Variants in FMN1 observed in about 807,000 individuals in gnomAD.
The protein encoded by FMN1 is formin 1.
Under a neutral mutation model 132.4 loss-of-function variants are expected in FMN1, and 110 were observed. The observed-to-expected ratio is 0.83, with a 90% CI of 0.71 to 0.97. FMN1 has a LOEUF of 0.97. Among genes scored for constraint, FMN1 ranks in the 50% least tolerant of loss-of-function variants. The probability of loss-of-function intolerance (pLI) is 0.00; values close to 1 mark genes in which losing one functional copy is unlikely to be tolerated. For missense variants in FMN1, 1,792 were observed against 1,705.3 expected, an observed-to-expected ratio of 1.05 and a Z score of -0.90; for synonymous variants, 722 against 651.7, an observed-to-expected ratio of 1.11 and a Z score of -1.64.
At chr15:32,799,674 T>G (rs1426882741) in intron 18 of FMN1, among the ~76,000 whole-genome samples, 1 of 152,190 alleles carries the variant, frequency 6.6e-6, no homozygotes, top group Non-Finnish European at 1.5e-5. Flanking sequence ...AATCCCAATT[T>G]TCCAGAGTGG....
chr15:33,054,739 G>A (rs555674026), intron 6 of FMN1, among the ~76,000 whole-genome samples: 4 of 152,266 alleles, frequency 2.6e-5, no homozygotes, highest in African/African-American at 9.6e-5. Flanking sequence ...CACAGCTTCC[G>A]GAAAATGCAG....
At chr15:32,980,155 AAAAAT>A (rs533891561) in intron 7 of FMN1, among the ~76,000 whole-genome samples, 35 of 152,238 alleles carry the variant, frequency 2.3e-4, no homozygotes, top group African/African-American at 7.7e-4. Flanking sequence ...TTAAATTTCC[AAAAAT>A]TGCTCACCCT....
chr15:32,950,038 T>TATATATAC (rs2061609648), intron 9 of FMN1, among the ~76,000 whole-genome samples: 2 of 4,376 alleles, frequency 4.6e-4, no homozygotes, highest in Admixed American at 3.6e-3. Context: ...TATATACACA[T>TATATATAC]ATATATATAT....
At chr15:32,876,884 G>GT (rs1239589384) in intron 16 of FMN1, among the ~76,000 whole-genome samples, 1 of 152,240 alleles carries the variant, frequency 6.6e-6, no homozygotes, top group Non-Finnish European at 1.5e-5. Context: ...TTAATTTGTT[G>GT]TAAGTTAAAG....
intron 7 of FMN1, among the ~76,000 whole-genome samples, chr15:32,973,583 C>CCCCA (rs1208780495): frequency 6.5e-4 from 99 of 151,788 alleles, no homozygotes; most frequent in African/African-American, 2.2e-3. Context: ...CTCACCCCCC[C>CCCCA]CAAAAAAACA....
At chr15:33,050,053 A>T (rs1380599080) in intron 6 of FMN1, among the ~76,000 whole-genome samples, 2 of 152,202 alleles carry the variant, frequency 1.3e-5, no homozygotes, top group African/African-American at 4.8e-5. Context: ...GATATTCAAC[A>T]CTTTATTACA....
Position 32,777,473 on chromosome 15 carries a change from TTA to T in FMN1, c.4131-556_4131-555del, listed in dbSNP as rs1567149036. 3.5e-5 allele frequency among the ~76,000 whole-genome samples: 5 copies of T among 142,570 alleles called. 1 individual carries two copies. Among genetic ancestry groups the T allele is most frequent in the Middle Eastern group, 4.1e-3 (1 of 242 alleles). 93.5% of individuals were successfully genotyped at this position (142,570 alleles called of 152,430 possible). A position where few individuals can be genotyped will look rare whatever the true frequency, so the allele number is the denominator to read the frequency against. ...TATTATATTTATATATTACGTATAT[TTA>T]TATATTATATTTATATATTACGTAT... On this transcript the variant is annotated intron_variant, in intron 19 of 20. Coordinates refer to ENST00000616417, the MANE Select transcript of FMN1 (RefSeq NM_001277313.2).
chr15:32,848,985 T>TTTTG (rs1555472087), intron 17 of FMN1, among the ~76,000 whole-genome samples: 5 of 125,480 alleles, frequency 4.0e-5, no homozygotes, highest in East Asian at 2.2e-4. Context: ...TTGTTTTTTT[T>TTTTG]TTTTTTTTTT....
At chr15:33,024,520 A>C (rs541678875) in intron 6 of FMN1, among the ~76,000 whole-genome samples, 308 of 152,264 alleles carry the variant, frequency 2.0e-3, no homozygotes, top group Middle Eastern at 0.01. Flanking sequence ...TGCTGGGATT[A>C]CAGGTGTGAG....
chr15:32,866,480 G>A (rs1485527560), intron 16 of FMN1, among the ~76,000 whole-genome samples: 2 of 152,126 alleles, frequency 1.3e-5, no homozygotes, highest in Admixed American at 1.3e-4. Flanking sequence ...TAGAAAGGCT[G>A]GCTAGATAAC....
At chr15:33,082,487 T>C (rs552495407) in intron 5 of FMN1, among the ~76,000 whole-genome samples, 1 of 152,302 alleles carries the variant, frequency 6.6e-6, no homozygotes, top group African/African-American at 2.4e-5. Context: ...TACCCACCCA[T>C]GTCTTTGTTT....
intron 4 of FMN1, among the ~76,000 whole-genome samples, chr15:33,126,424 A>T (rs1428095369): frequency 6.6e-6 from 1 of 152,146 alleles, no homozygotes; most frequent in Non-Finnish European, 1.5e-5. Context: ...CTGGAGGGTG[A>T]GAGGAGAAGG....
intron 16 of FMN1, among the ~76,000 whole-genome samples, chr15:32,880,905 T>C (rs1374624972): frequency 1.3e-5 from 2 of 152,166 alleles, no homozygotes; most frequent in African/African-American, 2.4e-5. Flanking sequence ...TATAAATCTG[T>C]TTTACTTCCC....
intron 9 of FMN1, among the ~76,000 whole-genome samples, chr15:32,941,205 G>A (rs1182184522): frequency 6.6e-6 from 1 of 152,152 alleles, no homozygotes; most frequent in African/African-American, 2.4e-5. Context: ...TAGGTTCTTG[G>A]GGGGAAAAGT....
chr15:32,889,609 C>T (rs1257658854), intron 15 of FMN1, among the ~76,000 whole-genome samples: 1 of 152,116 alleles, frequency 6.6e-6, no homozygotes, highest in African/African-American at 2.4e-5. Context: ...GGTCCCTTTC[C>T]GACCCTTCCC....
chr15:33,143,557 G>A (rs1301964384), intron 4 of FMN1, among the ~76,000 whole-genome samples: 2 of 152,070 alleles, frequency 1.3e-5, no homozygotes, highest in African/African-American at 4.8e-5. Flanking sequence ...ATTTTGAAGT[G>A]TTCTATCACT....
At chr15:32,783,668 G>A (rs183741025) in intron 19 of FMN1, among the ~76,000 whole-genome samples, 23 of 147,042 alleles carry the variant, frequency 1.6e-4, no homozygotes, top group African/African-American at 4.3e-4. Context: ...GCGTGAACCC[G>A]GGGTCGGGGG....
intron 6 of FMN1, among the ~76,000 whole-genome samples, chr15:33,017,984 G>A (rs1167198102): frequency 6.6e-6 from 1 of 151,468 alleles, no homozygotes; most frequent in Non-Finnish European, 1.5e-5. Context: ...AGAATCACTT[G>A]AACCCAGGAG....
chr15:33,154,256 A>G lies in FMN1; in HGVS notation c.659T>C (p.Leu220Pro), dbSNP rs1964576802. ...NLWVLEEKGN[L>P]LPNGALACSL... ...GCAGGCAAGTGCCCCATTCGGGAGC[A>G]GATTTCCTTTCTCCTCTAGTACCCA... Residue 220 changes from leucine to proline, a missense_variant, in exon 4 of 21, where the codon CTG (leucine) becomes CCG (proline). By Grantham distance (98) the Leu-to-Pro change is moderately conservative. Transcript: ENST00000616417. 3 of 1,536,076 alleles carry G rather than the reference A, an allele frequency of 2.0e-6. No homozygotes were observed. Among genetic ancestry groups the G allele is most frequent in the Non-Finnish European group, 2.6e-6 (3 of 1,146,934 alleles).
Sources: gnomAD v4.1 joint callset for allele counts (sites outside exome capture counted in the v4.1 genomes callset) on GRCh38, gnomAD v4.1.1 for gene constraint, MANE v1.5 for transcripts, NCBI Gene and HGNC (gene_info 2026-07-23, HGNC 2026-07-21) for gene names.